Variants in TNRC6B observed in about 807,000 individuals in gnomAD.
TNRC6B encodes the protein trinucleotide repeat-containing gene 6B protein.
In TNRC6B, 52 loss-of-function variants were observed where a neutral mutation model predicts 203.6. The observed-to-expected ratio is 0.26, with a 90% CI of 0.20 to 0.32. The LOEUF is 0.32. Ranked by LOEUF, TNRC6B falls within the 10% of genes least tolerant of loss-of-function variation. The pLI is 1.00. For missense variants in TNRC6B, 1,923 were observed against 2,286.2 expected (o/e 0.84, Z 3.24); for synonymous variants, 838 against 845.7 (o/e 0.99, Z 0.16).
chr22:40,276,113 C>T (rs1357868870), intron 7 of TNRC6B, among the ~76,000 whole-genome samples: 4 of 151,916 alleles, frequency 2.6e-5, no homozygotes, highest in East Asian at 1.9e-4. Flanking sequence ...TTTGGGAGAC[C>T]GAGGCAAGCG....
chr22:40,175,582 G>A (rs1007820906), upstream of TNRC6B, among the ~76,000 whole-genome samples: 1 of 152,310 alleles, frequency 6.6e-6, no homozygotes. Context: ...TTAAAACAAG[G>A]TGGATGTTCA....
intron 16 of TNRC6B, among the ~76,000 whole-genome samples, chr22:40,309,539 T>G (rs1344442802): frequency 6.6e-6 from 1 of 152,244 alleles, no homozygotes; most frequent in South Asian, 2.1e-4. Flanking sequence ...TCAAAAATGA[T>G]TTATTGAAAT....
intron 1 of TNRC6B, among the ~76,000 whole-genome samples, chr22:40,199,596 G>A (rs1365673914): frequency 2.6e-5 from 4 of 152,130 alleles, no homozygotes; most frequent in Admixed American, 1.3e-4. Context: ...ATTCTAAACC[G>A]AAGGAGACTA....
intron 3 of TNRC6B, among the ~76,000 whole-genome samples, chr22:40,261,046 G>A (rs544873355): frequency 2.0e-5 from 3 of 152,120 alleles, no homozygotes; most frequent in African/African-American, 7.2e-5. Flanking sequence ...TTGGGAGGCC[G>A]AGGTGGGTAA....
chr22:40,269,126 C>CTTTTTTTT (rs35575346), intron 5 of TNRC6B, among the ~76,000 whole-genome samples: 2 of 57,876 alleles, frequency 3.5e-5, no homozygotes, highest in Non-Finnish European at 6.2e-5. Context: ...TACAGTATTT[C>CTTTTTTTT]TTTTTTTTTT....
At chr22:40,065,185 G>A (rs1461514264) in intron 1 of TNRC6B, among the ~76,000 whole-genome samples, 1 of 152,018 alleles carries the variant, frequency 6.6e-6, no homozygotes, top group Non-Finnish European at 1.5e-5. Flanking sequence ...ATTCCCCAGT[G>A]AGCTCTGTTG....
chr22:40,065,567 T>C (rs1190962334), intron 1 of TNRC6B, among the ~76,000 whole-genome samples: 1 of 152,162 alleles, frequency 6.6e-6, no homozygotes, highest in Non-Finnish European at 1.5e-5. Flanking sequence ...CTATTTCATC[T>C]AGGTTTTCTA....
chr22:40,097,523 G>A (rs912709759), intron 1 of TNRC6B, among the ~76,000 whole-genome samples: 3 of 151,916 alleles, frequency 2.0e-5, no homozygotes, highest in African/African-American at 7.3e-5. Context: ...TGCCCAGGCT[G>A]GTCTTGAACT....
At chr22:40,221,038 C>A (rs550451203) in intron 1 of TNRC6B, among the ~76,000 whole-genome samples, 1 of 152,298 alleles carries the variant, frequency 6.6e-6, no homozygotes, top group African/African-American at 2.4e-5. Context: ...AGGTTTCCTA[C>A]TGATGATGGC....
intron 3 of TNRC6B, among the ~76,000 whole-genome samples, chr22:40,142,990 C>T (rs1293917722): frequency 6.6e-6 from 1 of 152,156 alleles, no homozygotes; most frequent in Non-Finnish European, 1.5e-5. Flanking sequence ...GATGGCCGCA[C>T]AAGAGATGTC....
chr22:40,060,281 C>T (rs919820093), intron 1 of TNRC6B, among the ~76,000 whole-genome samples: 4 of 151,058 alleles, frequency 2.6e-5, no homozygotes, highest in Non-Finnish European at 5.9e-5. Flanking sequence ...AGTGCAGTGG[C>T]ACGATCTCCA....
At chr22:40,317,804 C>G (rs2071279038) in intron 21 of TNRC6B, among the ~76,000 whole-genome samples, 1 of 152,176 alleles carries the variant, frequency 6.6e-6, no homozygotes. Flanking sequence ...GTTAAATGGG[C>G]TCATCAAAAC....
At chr22:40,183,069 A>AGC (rs1271708264) in intron 1 of TNRC6B, among the ~76,000 whole-genome samples, 2 of 76,196 alleles carry the variant, frequency 2.6e-5, no homozygotes, top group Admixed American at 2.3e-4. Context: ...CAACATCTAG[A>AGC]ACGGCTTGGC....
intron 1 of TNRC6B, among the ~76,000 whole-genome samples, chr22:40,077,042 A>G (rs1362821019): frequency 6.6e-6 from 1 of 151,320 alleles, no homozygotes; most frequent in African/African-American, 2.4e-5. Context: ...GAAAAAAGAA[A>G]AGGAAAGGAA....
intron 4 of TNRC6B, among the ~76,000 whole-genome samples, chr22:40,172,016 G>A (rs528009599): frequency 0.012 from 1,638 of 136,144 alleles, 13 homozygotes; most frequent in Non-Finnish European, 0.02. Context: ...ACACCACCAT[G>A]CCCAGCTAAT....
At chr22:40,254,960 C>T (rs1432085318) in intron 3 of TNRC6B, among the ~76,000 whole-genome samples, 1 of 152,138 alleles carries the variant, frequency 6.6e-6, no homozygotes, top group Non-Finnish European at 1.5e-5. Flanking sequence ...CTTCCTGCAC[C>T]ACACTATGAA....
chr22:40,089,023 A>T (rs9607686), intron 1 of TNRC6B, among the ~76,000 whole-genome samples: 35,639 of 151,982 alleles, frequency 0.23, 4,676 homozygotes, highest in African/African-American at 0.34. Flanking sequence ...CTTCAACTGT[A>T]CTCATGTGGA....
chr22:40,056,547 A>G (rs908581311), intron 1 of TNRC6B, among the ~76,000 whole-genome samples: 8 of 152,196 alleles, frequency 5.3e-5, no homozygotes, highest in African/African-American at 1.9e-4. Flanking sequence ...TAATCCCAGC[A>G]CTTTGGGAAG....
chr22:40,115,179 C>T (rs1346929276), intron 1 of TNRC6B, among the ~76,000 whole-genome samples: 1 of 152,166 alleles, frequency 6.6e-6, no homozygotes, highest in Non-Finnish European at 1.5e-5. Context: ...TCTTTCTAGC[C>T]TTGTCTGTTA....
Sources: allele counts gnomAD v4.1 joint callset (sites outside exome capture counted in the v4.1 genomes callset), GRCh38; gene constraint gnomAD v4.1.1; transcripts MANE v1.5; gene names NCBI Gene and HGNC (gene_info 2026-07-23, HGNC 2026-07-21).